Variants in ABL2 observed in about 807,000 individuals in gnomAD.
ABL2 encodes the protein ABL proto-oncogene 2, non-receptor tyrosine kinase, also known as tyrosine-protein kinase ABL2.
Under a neutral mutation model 107.7 loss-of-function variants are expected in ABL2, and 49 were observed. The ratio of observed to expected loss-of-function variants is 0.45; its 90% CI spans 0.36 to 0.58. The LOEUF is 0.58. ABL2 is among the 20% of genes least tolerant of loss of function. The pLI, the probability that ABL2 is intolerant of heterozygous loss-of-function variation, is 0.00. For missense variants in ABL2, 1,245 were observed against 1,457.0 expected (o/e 0.85, Z 2.37); for synonymous variants, 549 against 548.6 (o/e 1.00, Z -0.01).
At chr1:179,218,260 A>C (rs1662686223) in intron 1 of ABL2, among the ~76,000 whole-genome samples, 2 of 152,190 alleles carry the variant, frequency 1.3e-5, no homozygotes, top group African/African-American at 2.4e-5. Context: ...ACCACCAAAA[A>C]AATGGTATAA....
chr1:179,121,916 T>A (rs1410264833), intron 4 of ABL2, 49 bp from the exon 5 acceptor site: 3 of 22,282 alleles, frequency 1.3e-4, no homozygotes, highest in Non-Finnish European at 1.9e-4. Context: ...AGATTAAGAA[T>A]TTTTTTTTTT....
At chr1:179,216,822 T>C (rs1662589949) in intron 1 of ABL2, among the ~76,000 whole-genome samples, 1 of 151,792 alleles carries the variant, frequency 6.6e-6, no homozygotes, top group Non-Finnish European at 1.5e-5. Flanking sequence ...TAGCTGCAAC[T>C]ACAGGCGCAC....
Position 179,108,324 on chromosome 1 carries a change from C to G in ABL2, c.2943G>C (p.Lys981Asn), listed in dbSNP as rs778535852. 3 of 1,614,206 alleles carry G rather than the reference C, an allele frequency of 1.9e-6. No homozygotes were observed. In the Admixed American group the frequency reaches 5.0e-5, roughly 27 times the overall value. The change falls in exon 12 of 12, where the codon AAG becomes AAC. Residue 981 changes from lysine to asparagine, a missense_variant. Lys to Asn is a moderately conservative substitution (Grantham distance 94, BLOSUM62 0). Around this residue, in one of 3 missense-constraint regions of ABL2, gnomAD observed 761 missense variants for 766.4 expected, o/e 0.99. Transcript: ENST00000502732. The stretch of plus-strand genomic sequence containing the variant: ...TCACTGGTGGTGGGGGTGGGGCACA[C>G]TTTGGTTTTACCCGTCGGGGTCGGT... ...DKDRPRRVKP[K>N]CAPPPPPVMR...
chr1:179,103,983 G>A lies in ABL2; in HGVS notation c.*3735C>T, dbSNP rs1653311781. 1 of 233,560 alleles carries A rather than the reference G, an allele frequency of 4.3e-6. No homozygotes were observed. Among genetic ancestry groups the A allele is most frequent in the Non-Finnish European group, 8.5e-6 (1 of 117,954 alleles). The allele number at this position is 233,560 out of a possible 1,614,324, so 14.5% of individuals were successfully genotyped here. A position where few individuals can be genotyped will look rare whatever the true frequency, so the allele number is the denominator to read the frequency against. On this transcript the variant is annotated 3_prime_UTR_variant, in exon 12 of 12. Coordinates refer to ENST00000502732, the MANE Select transcript of ABL2 (RefSeq NM_007314.4). The stretch of plus-strand genomic sequence containing the variant: ...TGGCGAGATTACTGGAGAATACACT[G>A]GCCGAGACCCCAGCCCACTGGGAAT...
intron 1 of ABL2, among the ~76,000 whole-genome samples, chr1:179,205,676 T>C (rs1435276509): frequency 6.6e-6 from 1 of 152,098 alleles, no homozygotes; most frequent in Non-Finnish European, 1.5e-5. Context: ...GTATTACAAG[T>C]GACAAACTTT....
At chr1:179,218,678 G>A (rs532714086) in intron 1 of ABL2, among the ~76,000 whole-genome samples, 10 of 152,302 alleles carry the variant, frequency 6.6e-5, no homozygotes, top group African/African-American at 1.7e-4. Flanking sequence ...GATTACAGGC[G>A]TGAGCCACCA....
chr1:179,157,071 A>C (rs1403297011), intron 1 of ABL2, among the ~76,000 whole-genome samples: 1 of 152,182 alleles, frequency 6.6e-6, no homozygotes, highest in African/African-American at 2.4e-5. Flanking sequence ...CTTTAACTCC[A>C]CCACCACTAC....
intron 1 of ABL2, among the ~76,000 whole-genome samples, chr1:179,135,168 G>A (rs1040049852): frequency 6.6e-6 from 1 of 152,208 alleles, no homozygotes; most frequent in African/African-American, 2.4e-5. Context: ...TGGGAAGTGA[G>A]GAGCATCTCC....
At position 179,178,943 on chromosome 1, in the gene ABL2, G is replaced by C. The variant is rs940324920; in HGVS notation, c.158-45569C>G. Among the ~76,000 whole-genome samples, 6 of 151,970 alleles carry C rather than the reference G, an allele frequency of 3.9e-5. No individual in the cohort carries two copies. In the East Asian group the frequency reaches 7.7e-4, roughly 20 times the overall value. ...ACATCTAAAATAAAGCCTTCTTATA[G>C]GAACAAATAATGTTAATACCCACTG... On this transcript the variant is annotated intron_variant, in intron 1 of 11. Coordinates refer to ENST00000502732, the MANE Select transcript of ABL2 (RefSeq NM_007314.4).
At chr1:179,169,038 A>G (rs944250854) in intron 1 of ABL2, among the ~76,000 whole-genome samples, 1 of 152,190 alleles carries the variant, frequency 6.6e-6, no homozygotes, top group Non-Finnish European at 1.5e-5. Flanking sequence ...AATGGTTAGT[A>G]ATATTGGAGA....
intron 1 of ABL2, among the ~76,000 whole-genome samples, chr1:179,155,386 C>T (rs1221075630): frequency 6.6e-6 from 1 of 152,156 alleles, no homozygotes; most frequent in Non-Finnish European, 1.5e-5. Flanking sequence ...AGGGTAATCA[C>T]AAATTTTTCC....
intron 1 of ABL2, among the ~76,000 whole-genome samples, chr1:179,147,180 G>GAAAAAAA (rs759304566): frequency 3.4e-4 from 2 of 5,812 alleles, no homozygotes; most frequent in African/African-American, 1.1e-3. Context: ...TCAGAGAAAT[G>GAAAAAAA]CAAAAAAAAA....
intron 1 of ABL2, among the ~76,000 whole-genome samples, chr1:179,153,124 G>T (rs78112494): frequency 0.016 from 2,439 of 152,238 alleles, 66 homozygotes; most frequent in African/African-American, 0.055. Flanking sequence ...GGCAATAATT[G>T]TAAGATTTTA....
chr1:179,160,891 C>T (rs1035001087), intron 1 of ABL2, among the ~76,000 whole-genome samples: 1 of 152,240 alleles, frequency 6.6e-6, no homozygotes, highest in East Asian at 1.9e-4. Context: ...GCACAAGCCA[C>T]CACACCTGGC....
At chr1:179,178,954 T>C (rs1024565815) in intron 1 of ABL2, among the ~76,000 whole-genome samples, 2 of 152,054 alleles carry the variant, frequency 1.3e-5, no homozygotes, top group African/African-American at 4.8e-5. Context: ...GAACAAATAA[T>C]GTTAATACCC....
intron 1 of ABL2, among the ~76,000 whole-genome samples, chr1:179,216,932 C>T (rs3121198): frequency 0.5 from 75,532 of 151,372 alleles, 18,986 homozygotes; most frequent in Admixed American, 0.55. Flanking sequence ...TCTGCCTGCC[C>T]TGGCCACCCA....
chr1:179,126,310 A>G lies in ABL2; in HGVS notation c.687+67T>C. On this transcript the variant is annotated intron_variant, in intron 4 of 11. Transcript: ENST00000502732. This position sits in a 1 kb window ranked among gnomAD's most constrained non-coding sequence, Gnocchi z 4.4. ...ACATAAAATCTATTATTTCACTTCA[A>G]TCACGTTGAATATTATTTCACAGAG... 1 of 1,495,340 alleles carries G rather than the reference A, an allele frequency of 6.7e-7. No individual in the cohort carries two copies. The highest frequency in any genetic ancestry group is 9.1e-7 in the Non-Finnish European group (1 of 1,095,312). 92.6% of individuals were successfully genotyped at this position (1,495,340 alleles called of 1,614,324 possible). A position where few individuals can be genotyped will look rare whatever the true frequency, so the allele number is the denominator to read the frequency against.
Position 179,114,905 on chromosome 1 carries a change from G to C in ABL2, c.1534C>G (p.Pro512Ala). ...YRMEQPEGCP[P>A]KVYELMRACW... ...GCTCTCATAAGTTCATAAACCTTAGGGGGGCATCCCTCAGGCTGTTCCATT... is the reference window on the plus strand; with the variant it reads ...GCTCTCATAAGTTCATAAACCTTAGCGGGGCATCCCTCAGGCTGTTCCATT... The change falls in exon 9 of 12, where the codon CCT becomes GCT. Residue 512 changes from proline to alanine, a missense_variant. Around this residue, in one of 3 missense-constraint regions of ABL2, gnomAD observed 320 missense variants for 547.0 expected, o/e 0.59. Transcript: ENST00000502732. 5.0e-6 allele frequency: 8 copies of C among 1,609,164 alleles called. No homozygotes were observed. Among genetic ancestry groups the C allele is most frequent in the Non-Finnish European group, 6.8e-6 (8 of 1,178,184 alleles).
At chr1:179,134,964 G>T (rs949184659) in intron 1 of ABL2, among the ~76,000 whole-genome samples, 2 of 152,214 alleles carry the variant, frequency 1.3e-5, no homozygotes, top group African/African-American at 4.8e-5. Flanking sequence ...GCTCCTAACC[G>T]CGAGTGATCC....
Sources: allele counts gnomAD v4.1 joint callset (sites outside exome capture counted in the v4.1 genomes callset), GRCh38; gene constraint gnomAD v4.1.1; regional missense constraint gnomAD v4.1.1; non-coding constraint Gnocchi (gnomAD v3.1); transcripts MANE v1.5; gene names NCBI Gene and HGNC (gene_info 2026-07-23, HGNC 2026-07-21).